SHPRH: variants seen among roughly 807,000 people sequenced by gnomAD.
The protein encoded by SHPRH is SNF2 histone linker PHD RING helicase.
In SHPRH, 106 loss-of-function variants were observed where a neutral mutation model predicts 202.5. The ratio of observed to expected loss-of-function variants is 0.52; its 90% CI spans 0.45 to 0.62. The LOEUF (loss-of-function observed/expected upper bound fraction) is 0.62, where lower values mean the gene tolerates loss of function less well. Ranked by LOEUF, SHPRH falls within the 20% of genes least tolerant of loss-of-function variation. The probability of loss-of-function intolerance (pLI) is 0.00; values close to 1 mark genes in which losing one functional copy is unlikely to be tolerated. For missense variants in SHPRH, 1,710 were observed against 2,020.0 expected, an observed-to-expected ratio of 0.85 and a Z score of 2.94; for synonymous variants, 729 against 686.0, an observed-to-expected ratio of 1.06 and a Z score of -0.98.
chr6:145,886,549 G>T lies in SHPRH; in HGVS notation c.*142C>A. 1 of 1,443,646 alleles carries T rather than the reference G, an allele frequency of 6.9e-7. No individual in the cohort carries two copies. The highest frequency in any genetic ancestry group is 9.3e-7 in the Non-Finnish European group (1 of 1,069,974). 89.4% of individuals were successfully genotyped at this position (1,443,646 alleles called of 1,614,324 possible). A position where few individuals can be genotyped will look rare whatever the true frequency, so the allele number is the denominator to read the frequency against. The stretch of plus-strand genomic sequence containing the variant: ...AGGACTCAATAAGTACTAAGCCACT[G>T]TATAACCAGAACAATAAACAAATTC... On this transcript the variant is annotated 3_prime_UTR_variant, in exon 30 of 30. Transcript: ENST00000275233.
intron 28 of SHPRH, among the ~76,000 whole-genome samples, chr6:145,891,427 A>C (rs1781555789): frequency 6.6e-6 from 1 of 152,006 alleles, no homozygotes; most frequent in Non-Finnish European, 1.5e-5. Context: ...CAAACATTGC[A>C]CTTTTACTTC....
Position 145,923,708 on chromosome 6 carries a change from C to G in SHPRH, c.3480G>C (p.Gln1160His). The G allele has an allele frequency of 6.2e-7, 1 of 1,612,062 alleles. No homozygotes were observed. Among genetic ancestry groups the G allele is most frequent in the South Asian group, 1.1e-5 (1 of 90,958 alleles). ...TGCTGGTTATTTCATTTCGCACTCG[C>G]TGAACTAGCTCCTCATCAATAGTAA... Reference protein sequence around the residue: ...IEFTIDEELVQRVRNEITSNY... With the variant: ...IEFTIDEELVHRVRNEITSNY... Residue 1160 changes from glutamine to histidine, a missense_variant, in exon 18 of 30, where the codon CAG becomes CAC. Physicochemically the swap from Gln to His is conservative, Grantham distance 24 (BLOSUM62 0). Transcript: ENST00000275233.
rs942154011 is a variant in SHPRH, at chr6:145,866,271, T to A, written c.222-1780A>T. Among the ~76,000 whole-genome samples, 4 of 152,264 alleles carry A rather than the reference T, an allele frequency of 2.6e-5. No homozygotes were observed. The East Asian group carries it at 7.7e-4, about 29-fold the overall frequency. On this transcript the variant is annotated intron_variant, in intron 2 of 2. Transcript: ENST00000417762. ...CATTGAATGTGTTAAACAAAATCTT[T>A]AACGTCTATTCATTTTTATATCTGT...
At position 145,870,636 on chromosome 6, in the gene SHPRH, C is replaced by A. The variant is rs532705163; in HGVS notation, c.222-6145G>T. On this transcript the variant is annotated intron_variant, in intron 2 of 2. Coordinates refer to the SHPRH transcript ENST00000417762. ...CATTTCTTTTTTCCCAGTCTGTATA[C>A]CTTTTATTTCCTTTTGTTGTGTAGC... 3.9e-5 allele frequency among the ~76,000 whole-genome samples: 6 copies of A among 152,178 alleles called. No homozygotes were observed. The East Asian group carries it at 9.7e-4, about 25-fold the overall frequency.
At chr6:145,926,106 T>G in intron 16 of SHPRH, 98 bp downstream of exon 16, 7 of 1,072,024 alleles carry the variant, frequency 6.5e-6, no homozygotes, top group Non-Finnish European at 9.5e-6. Context: ...CATGATTACA[T>G]TTATTTGTAT....
downstream of SHPRH, among the ~76,000 whole-genome samples, chr6:145,862,290 A>T (rs1779604693): frequency 6.6e-6 from 1 of 151,630 alleles, no homozygotes; most frequent in Admixed American, 6.6e-5. Context: ...TCTACTAAAA[A>T]TACAAAAAAA....
chr6:145,917,217 C>G (rs1167294533), intron 23 of SHPRH: 6 of 152,094 alleles, frequency 3.9e-5, no homozygotes, highest in African/African-American at 1.4e-4. Context: ...TCAGAAACTA[C>G]TCTAGCATTT....
At chr6:145,918,029 A>C in intron 23 of SHPRH, 102 bp downstream of exon 23, 1 of 791,814 alleles carries the variant, frequency 1.3e-6, no homozygotes, top group Non-Finnish European at 2.0e-6. Context: ...ATAACACCAA[A>C]TACTAATTAC....
Position 145,940,821 on chromosome 6 carries a change from A to T in SHPRH, c.2491-20T>A. 6.2e-7 allele frequency: 1 copy of T among 1,612,676 alleles called. No individual in the cohort carries two copies. The highest frequency in any genetic ancestry group is 8.5e-7 in the Non-Finnish European group (1 of 1,179,374). ...TGCAGCCTGATGAGAGGGAAAAATG[A>T]AATAAAAATGAAATCCAGAAAACCA... On this transcript the variant is annotated intron_variant, in intron 10 of 29. Coordinates refer to ENST00000275233, the MANE Select transcript of SHPRH (RefSeq NM_001042683.3).
At position 145,910,706 on chromosome 6, in the gene SHPRH, A is replaced by G. The variant is rs1322148786; in HGVS notation, c.4327-70T>C. On this transcript the variant is annotated intron_variant, in intron 24 of 29. Transcript: ENST00000275233. The stretch of plus-strand genomic sequence containing the variant: ...TACAATTTATAAGCATATTAAAAAG[A>G]GATTCGCAATTTTTCCTCCTAAAGA... 3 of 1,376,626 alleles carry G rather than the reference A, an allele frequency of 2.2e-6. No homozygotes were observed. In the African/African-American group the frequency reaches 4.4e-5, roughly 20 times the overall value. 85.3% of individuals were successfully genotyped at this position (1,376,626 alleles called of 1,614,324 possible).
chr6:145,862,725 C>T (rs949553340), downstream of SHPRH: 2 of 152,208 alleles, frequency 1.3e-5, no homozygotes, highest in East Asian at 1.9e-4. Flanking sequence ...GTGTGAGGTA[C>T]TGTATTTATC....
Position 145,909,363 on chromosome 6 carries a change from A to G in SHPRH, c.4515+1085T>C, listed in dbSNP as rs138283985. 476 of 152,154 alleles carry G rather than the reference A, an allele frequency of 3.1e-3. 4 individuals carry two copies. Among genetic ancestry groups the G allele is most frequent in the African/African-American group, 0.011 (460 of 41,542 alleles). The allele number at this position is 152,154 out of a possible 1,614,324, so 9.4% of individuals were successfully genotyped here. A position where few individuals can be genotyped will look rare whatever the true frequency, so the allele number is the denominator to read the frequency against. On this transcript the variant is annotated intron_variant, in intron 25 of 29. Transcript: ENST00000275233. ...CTGCCTGTGTGCTAGTACGTGTCCA[A>G]TATATATGTGTGGAATGAATGGATG...
rs534913465 is a variant in SHPRH, at chr6:145,879,359, A to G, written c.221+8661T>C. On this transcript the variant is annotated intron_variant, in intron 2 of 2. Coordinates refer to the SHPRH transcript ENST00000417762. ...CCTCCTTGTATTTCTTAGTTGGCTG[A>G]AGATATTCTGGAACTTAACACCATA... is the stretch of plus-strand genomic sequence containing the variant. Among the ~76,000 whole-genome samples, 4 of 152,334 alleles carry G rather than the reference A, an allele frequency of 2.6e-5. No individual in the cohort carries two copies. In the East Asian group the frequency reaches 7.7e-4, roughly 29 times the overall value.
chr6:145,861,380 G>A (rs1378604634), downstream of SHPRH, among the ~76,000 whole-genome samples: 4 of 151,148 alleles, frequency 2.6e-5, no homozygotes, highest in African/African-American at 4.9e-5. Context: ...AAATGTAAAC[G>A]AAAACTACAG....
chr6:145,960,378 G>C (rs1489322992), intron 1 of SHPRH, among the ~76,000 whole-genome samples: 2 of 152,330 alleles, frequency 1.3e-5, no homozygotes, highest in Non-Finnish European at 1.5e-5. Context: ...ACATGGCAAA[G>C]AGCATGGATA....
chr6:145,912,382 A>C lies in SHPRH; in HGVS notation c.4326+1096T>G, dbSNP rs145400660. Among the ~76,000 whole-genome samples the C allele has an allele frequency of 2.2e-3, 341 of 152,290 alleles. 3 individuals are homozygous for C. The highest frequency in any genetic ancestry group is 7.7e-3 in the African/African-American group (319 of 41,586). Reference sequence around the variant, plus strand: ...AAGTGCAGGAAACCTAGGTTATGCTAGAATTAAATGAACTAATGTATATGA... The same window carrying C: ...AAGTGCAGGAAACCTAGGTTATGCTCGAATTAAATGAACTAATGTATATGA... On this transcript the variant is annotated intron_variant, in intron 24 of 29. Transcript: ENST00000275233.
chr6:145,955,067 C>G lies in SHPRH; in HGVS notation c.256G>C (p.Glu86Gln). Residue 86 changes from glutamate (E) to glutamine (Q), a missense_variant, in exon 2 of 30, where the codon GAA becomes CAA. Physicochemically the swap from Glu to Gln is conservative, Grantham distance 29. Transcript: ENST00000275233. ...VVSFSKPIEK[E>Q]ETVGIFSPLS... is the part of the protein sequence containing the mutation. ...GGGGAAAAAATACCAACAGTCTCTTCTTTTTCAATTGGTTTTGAGAAGCTC... is the reference window on the plus strand; with the variant it reads ...GGGGAAAAAATACCAACAGTCTCTTGTTTTTCAATTGGTTTTGAGAAGCTC... 6.2e-7 allele frequency: 1 copy of G among 1,613,242 alleles called. No homozygotes were observed. The highest frequency in any genetic ancestry group is 8.5e-7 in the Non-Finnish European group (1 of 1,179,914).
chr6:145,875,089 G>A (rs1780241413), intron 2 of SHPRH, among the ~76,000 whole-genome samples: 1 of 152,124 alleles, frequency 6.6e-6, no homozygotes, highest in Non-Finnish European at 1.5e-5. Flanking sequence ...CAACCAGTAA[G>A]CACATAATGC....
intron 29 of SHPRH, among the ~76,000 whole-genome samples, chr6:145,886,996 T>A (rs747263579): frequency 6.6e-6 from 1 of 152,224 alleles, no homozygotes; most frequent in Non-Finnish European, 1.5e-5. Context: ...TTTGTCAAAG[T>A]GTTTTTTCTC....
Sources: gnomAD v4.1 joint callset for allele counts (sites outside exome capture counted in the v4.1 genomes callset) on GRCh38, gnomAD v4.1.1 for gene constraint, MANE v1.5 for transcripts, NCBI Gene and HGNC (gene_info 2026-07-23, HGNC 2026-07-21) for gene names.